Variants in TYW3 observed in about 807,000 individuals in gnomAD.
The protein encoded by TYW3 is tRNA-yW synthesizing protein 3 homolog, also known as tRNA wybutosine-synthesizing protein 3 homolog.
TYW3 carries 26 observed loss-of-function variants against 23.1 expected under a neutral mutation model. The ratio of observed to expected loss-of-function variants is 1.13; its 90% confidence interval spans 0.83 to 1.56. The LOEUF is 1.56. Among genes scored for constraint, TYW3 ranks in the 40% most tolerant of loss-of-function variants. The pLI, the probability that TYW3 is intolerant of heterozygous loss-of-function variation, is 0.00. For synonymous variants in TYW3, 102 were observed against 105.7 expected, an observed-to-expected ratio of 0.97 and a Z score of 0.21; for missense variants, 316 against 311.9, an observed-to-expected ratio of 1.01 and a Z score of -0.10.
chr1:74,743,771 G>A (rs1218632348), intron 3 of TYW3, among the ~76,000 whole-genome samples: 1 of 152,136 alleles, frequency 6.6e-6, no homozygotes, highest in African/African-American at 2.4e-5. Context: ...TTACTTGACT[G>A]AGATATCAGG....
Position 74,765,542 on chromosome 1 carries a change from T to C in TYW3, c.*1429T>C, listed in dbSNP as rs1391770400. The C allele has an allele frequency of 1.3e-5, 2 of 152,086 alleles. No homozygotes were observed. Among genetic ancestry groups the C allele is most frequent in the East Asian group, 1.9e-4 (1 of 5,172 alleles). The allele number at this position is 152,086 out of a possible 1,614,324, so 9.4% of individuals were successfully genotyped here. ...TTTGGGCAGGAAAGGGAACTCACAG[T>C]GTCGGAATGCCTGGAGCATTTCTTC... On this transcript the variant is annotated 3_prime_UTR_variant, in exon 6 of 6. Coordinates refer to ENST00000370867, the MANE Select transcript of TYW3 (RefSeq NM_138467.3).
At chr1:74,736,057 C>G (rs370779726) in intron 1 of TYW3, 1 of 152,334 alleles carries the variant, frequency 6.6e-6, no homozygotes, top group East Asian at 1.9e-4. Context: ...AAGTCTAATT[C>G]AGAGGTCACA....
chr1:74,740,997 G>A (rs919153072), intron 3 of TYW3, among the ~76,000 whole-genome samples: 5 of 152,144 alleles, frequency 3.3e-5, no homozygotes, highest in African/African-American at 1.2e-4. Context: ...GCTGGATAGG[G>A]GTGAAGAAGG....
intron 3 of TYW3, chr1:74,748,510 A>G (rs1050677269): frequency 1.2e-5 from 5 of 434,532 alleles, no homozygotes; most frequent in Non-Finnish European, 2.0e-5. Context: ...ACTGTTTGTG[A>G]TTGAATTCTA....
chr1:74,743,273 T>A (rs912334436), intron 3 of TYW3, among the ~76,000 whole-genome samples: 1 of 152,182 alleles, frequency 6.6e-6, no homozygotes, highest in Non-Finnish European at 1.5e-5. Context: ...GTTTGTCTGA[T>A]GGCCATGACT....
At chr1:74,733,529 G>T (rs545424340) in intron 1 of TYW3, 111 bp downstream of exon 1, 2 of 1,470,824 alleles carry the variant, frequency 1.4e-6, no homozygotes, top group East Asian at 4.8e-5. Flanking sequence ...GCTCCTCTGA[G>T]GGGTGGTCTC....
At chr1:74,743,616 C>T (rs1030718682) in intron 3 of TYW3, among the ~76,000 whole-genome samples, 2 of 152,138 alleles carry the variant, frequency 1.3e-5, no homozygotes, top group Non-Finnish European at 2.9e-5. Flanking sequence ...CCTAATTCTC[C>T]TTAGTCCTTC....
At chr1:74,748,948 C>A (rs1048651583) in intron 4 of TYW3, 126 bp downstream of exon 4, 2 of 852,194 alleles carry the variant, frequency 2.3e-6, no homozygotes, top group Admixed American at 2.4e-5. Context: ...TACTCATAAA[C>A]CCTCAGTGAC....
intron 3 of TYW3, among the ~76,000 whole-genome samples, chr1:74,744,248 A>G (rs1318181337): frequency 3.9e-5 from 6 of 152,134 alleles, no homozygotes; most frequent in Admixed American, 1.3e-4. Context: ...GAAAGCTTGG[A>G]CATAAGATAT....
At chr1:74,754,933 T>C (rs1648903380) in intron 5 of TYW3, among the ~76,000 whole-genome samples, 1 of 152,156 alleles carries the variant, frequency 6.6e-6, no homozygotes. Flanking sequence ...TGGATAGCTA[T>C]TGACTGACTA....
intron 1 of TYW3, among the ~76,000 whole-genome samples, chr1:74,734,757 T>C (rs933069479): frequency 1.3e-5 from 2 of 152,220 alleles, no homozygotes; most frequent in African/African-American, 4.8e-5. Flanking sequence ...GAACTGAGGA[T>C]AATAAAAAGT....
At chr1:74,762,609 C>T (rs117359712) in intron 5 of TYW3, among the ~76,000 whole-genome samples, 2,345 of 152,186 alleles carry the variant, frequency 0.015, 30 homozygotes, top group East Asian at 0.05. Flanking sequence ...GTCTATATTC[C>T]ATAAAAGTAG....
At chr1:74,743,654 AC>A (rs1648442657) in intron 3 of TYW3, among the ~76,000 whole-genome samples, 2 of 151,562 alleles carry the variant, frequency 1.3e-5, no homozygotes, top group Admixed American at 1.3e-4. Flanking sequence ...GATGTTTATG[AC>A]TCCAGTCCCC....
At chr1:74,749,228 G>A (rs1003453676) in intron 4 of TYW3, among the ~76,000 whole-genome samples, 4 of 152,182 alleles carry the variant, frequency 2.6e-5, no homozygotes, top group African/African-American at 9.7e-5. Context: ...AGTATCAGTG[G>A]TCCAGCTAAC....
intron 5 of TYW3, among the ~76,000 whole-genome samples, chr1:74,754,151 A>G (rs981715922): frequency 1.3e-5 from 2 of 152,196 alleles, no homozygotes; most frequent in African/African-American, 2.4e-5. Context: ...GTTTGCTAAA[A>G]CATAGGAGGT....
chr1:74,739,955 A>G (rs1648294184), intron 3 of TYW3, among the ~76,000 whole-genome samples: 1 of 152,202 alleles, frequency 6.6e-6, no homozygotes, highest in African/African-American at 2.4e-5. Context: ...GGAATCAAGG[A>G]TAACTACTTA....
chr1:74,754,011 G>A (rs1570074353), intron 5 of TYW3, among the ~76,000 whole-genome samples: 1 of 152,110 alleles, frequency 6.6e-6, no homozygotes, highest in Admixed American at 6.5e-5. Flanking sequence ...CTTTGAGCAG[G>A]TATTCTAACT....
At chr1:74,733,615 C>G (rs28568334) in intron 1 of TYW3, 197 bp downstream of exon 1, 640,083 of 933,312 alleles carry the variant, frequency 0.69, 220,045 homozygotes, top group East Asian at 0.78. Context: ...ATCAGCTGAG[C>G]ATCTTTTAAA....
Position 74,752,415 on chromosome 1 carries a change from A to G in TYW3, c.550A>G (p.Arg184Gly). The G allele has an allele frequency of 6.2e-7, 1 of 1,613,450 alleles. No homozygotes were observed. Among genetic ancestry groups the G allele is most frequent in the Non-Finnish European group, 8.5e-7 (1 of 1,179,642 alleles). Residue 184 changes from arginine (R) to glycine (G), a missense_variant, in exon 5 of 6, where the codon AGA becomes GGA. Transcript: ENST00000370867. ...ANQKMEENKK[R>G]IERFYNCLQH... is the part of the protein sequence containing the mutation. ...TCAAAAAATGGAGGAAAACAAGAAAAGAATTGAGAGGTATATTAATTGGGT... is the reference window on the plus strand; with the variant it reads ...TCAAAAAATGGAGGAAAACAAGAAAGGAATTGAGAGGTATATTAATTGGGT...
Sources: gnomAD v4.1 joint callset for allele counts (sites outside exome capture counted in the v4.1 genomes callset) on GRCh38, gnomAD v4.1.1 for gene constraint, MANE v1.5 for transcripts, NCBI Gene and HGNC (gene_info 2026-07-23, HGNC 2026-07-21) for gene names.